The following TGFB3 variants were observed in gnomAD, a reference collection of about 807,000 sequenced individuals.
TGFB3 encodes the protein transforming growth factor beta 3.
A neutral mutation model predicts 40.1 loss-of-function variants in TGFB3; 5 were observed. The observed-to-expected ratio is 0.12, with a 90% CI of 0.07 to 0.26. The LOEUF (loss-of-function observed/expected upper bound fraction) is 0.26. Among genes scored for constraint, TGFB3 ranks in the 10% least tolerant of loss-of-function variants. The pLI, the probability that TGFB3 is intolerant of heterozygous loss-of-function variation, is 1.00. For missense variants in TGFB3, 373 were observed against 530.1 expected, an observed-to-expected ratio of 0.70 and a Z score of 2.91; for synonymous variants, 184 against 205.6, an observed-to-expected ratio of 0.89 and a Z score of 0.90.
chr14:75,969,734 G>C (rs1393826506), intron 3 of TGFB3, among the ~76,000 whole-genome samples: 1 of 152,146 alleles, frequency 6.6e-6, no homozygotes, highest in Non-Finnish European at 1.5e-5. Flanking sequence ...GGGCAGAACA[G>C]AACCTGTTCT....
intron 3 of TGFB3, among the ~76,000 whole-genome samples, chr14:75,969,482 C>T (rs188280212): frequency 2.2e-4 from 33 of 152,330 alleles, no homozygotes; most frequent in Non-Finnish European, 1.3e-4. Context: ...TAACTTCTCT[C>T]GGCCTGTTTC....
chr14:75,980,741 G>A lies in TGFB3; in HGVS notation c.153C>T (p.Leu51=), dbSNP rs760506739. The change falls in exon 1 of 7, where the codon CTC becomes CTT. Residue 51 remains leucine (L), a synonymous_variant. Transcript: ENST00000238682. This position sits in a 1 kb window ranked among gnomAD's most constrained non-coding sequence, Gnocchi z 4.3. Reference sequence around the variant, plus strand: ...TTGGCTCAGGGGGGCTGGTGAGCCTGAGCTTGCTCAAGATCTGTCCCCTAA... The same window carrying A: ...TTGGCTCAGGGGGGCTGGTGAGCCTAAGCTTGCTCAAGATCTGTCCCCTAA... The part of the protein sequence containing the change: ...EAIRGQILSK[L]RLTSPPEPTV... The A allele has an allele frequency of 1.2e-6, 2 of 1,614,210 alleles. No homozygotes were observed. The highest frequency in any genetic ancestry group is 1.7e-6 in the Non-Finnish European group (2 of 1,180,044).
At chr14:75,975,628 T>C (rs1468418253) in intron 1 of TGFB3, among the ~76,000 whole-genome samples, 1 of 152,172 alleles carries the variant, frequency 6.6e-6, no homozygotes, top group East Asian at 1.9e-4. Context: ...ATGAGAAAAC[T>C]GAGCCTCAAA....
chr14:75,962,470 G>T (rs968516848), intron 5 of TGFB3, among the ~76,000 whole-genome samples: 1 of 151,972 alleles, frequency 6.6e-6, no homozygotes, highest in Non-Finnish European at 1.5e-5. Context: ...TTCCCAATTC[G>T]TTCTCCCCAG....
chr14:75,982,349 C>G (rs939466759), upstream of TGFB3, among the ~76,000 whole-genome samples: 1 of 152,282 alleles, frequency 6.6e-6, no homozygotes, highest in Middle Eastern at 3.4e-3. The surrounding 1 kb of genome is among the most constrained non-coding windows in gnomAD (Gnocchi z 4.0). Flanking sequence ...CCTGGTCCCC[C>G]GGTCCCGGGG....
rs375034484 is a variant in TGFB3, at chr14:75,963,450, C to T, written c.792G>A (p.Leu264=). ...DNEDDHGRGD[L]GRLKKQKDHH... ...GATCCTTCTGCTTCTTGAGGCGCCC[C>T]AGATCTCCACGGCCATGGTCATCCT... The change falls in exon 5 of 7, where the codon CTG becomes CTA. Residue 264 remains leucine (L), a synonymous_variant. Coordinates refer to ENST00000238682, the MANE Select transcript of TGFB3 (RefSeq NM_003239.5). 12 of 1,607,972 alleles carry T rather than the reference C, an allele frequency of 7.5e-6. No individual in the cohort carries two copies. In the African/African-American group the frequency reaches 1.1e-4, roughly 15 times the overall value.
intron 3 of TGFB3, among the ~76,000 whole-genome samples, chr14:75,969,150 G>A (rs1483944575): frequency 6.6e-6 from 1 of 152,188 alleles, no homozygotes; most frequent in Non-Finnish European, 1.5e-5. Context: ...CGAAAACAAT[G>A]TGCAGGCCAA....
At chr14:75,961,950 T>C (rs2035161876) in intron 5 of TGFB3, among the ~76,000 whole-genome samples, 1 of 152,168 alleles carries the variant, frequency 6.6e-6, no homozygotes, top group African/African-American at 2.4e-5. Flanking sequence ...AAGGGCAAGT[T>C]CTGGCAAAGA....
chr14:75,962,281 C>T (rs2035166766), intron 5 of TGFB3, among the ~76,000 whole-genome samples: 1 of 152,122 alleles, frequency 6.6e-6, no homozygotes, highest in Non-Finnish European at 1.5e-5. Context: ...TAACTGATAA[C>T]TGATTCGTTC....
upstream of TGFB3, chr14:75,982,842 C>T (rs2035453127): frequency 6.6e-6 from 1 of 152,420 alleles, no homozygotes; most frequent in African/African-American, 2.4e-5. The surrounding 1 kb of genome is among the most constrained non-coding windows in gnomAD (Gnocchi z 4.0). Context: ...GAAATGTCAT[C>T]CAGATGTTCA....
At chr14:75,982,260 T>C (rs2035444986), upstream of TGFB3, among the ~76,000 whole-genome samples, 1 of 152,066 alleles carries the variant, frequency 6.6e-6, no homozygotes, top group Admixed American at 6.5e-5. This position sits in a 1 kb window ranked among gnomAD's most constrained non-coding sequence, Gnocchi z 4.0. Flanking sequence ...ATGAGCCCCC[T>C]CCCTCCCTTT....
At chr14:75,969,575 C>G (rs1187357379) in intron 3 of TGFB3, among the ~76,000 whole-genome samples, 1 of 152,204 alleles carries the variant, frequency 6.6e-6, no homozygotes, top group African/African-American at 2.4e-5. Context: ...ATCCTTAAAA[C>G]AGCTCTGTGA....
At chr14:75,982,850 TCAGC>T (rs1594793740), upstream of TGFB3, 1 of 152,348 alleles carries the variant, frequency 6.6e-6, no homozygotes, top group Non-Finnish European at 1.5e-5. This position sits in a 1 kb window ranked among gnomAD's most constrained non-coding sequence, Gnocchi z 4.0. Flanking sequence ...ATCCAGATGT[TCAGC>T]CTCCCTCCCC....
chr14:75,965,932 C>T lies in TGFB3; in HGVS notation c.647-237G>A, dbSNP rs919656737. Reference sequence around the variant, plus strand: ...TTATGAATCACCAAATGGGGGCATACACTAGTGGCCATCATGAAACAGAAG... The same window carrying T: ...TTATGAATCACCAAATGGGGGCATATACTAGTGGCCATCATGAAACAGAAG... On this transcript the variant is annotated intron_variant, in intron 3 of 6. Transcript: ENST00000238682. 9.2e-6 allele frequency: 5 copies of T among 542,168 alleles called. No individual in the cohort carries two copies. The Admixed American group carries it at 1.2e-4, about 13-fold the overall frequency. 33.6% of individuals were successfully genotyped at this position (542,168 alleles called of 1,614,324 possible).
intron 3 of TGFB3, among the ~76,000 whole-genome samples, chr14:75,967,551 C>A (rs2035234355): frequency 6.6e-6 from 1 of 152,144 alleles, no homozygotes; most frequent in Non-Finnish European, 1.5e-5. Flanking sequence ...TTCCATGATT[C>A]TGTGAGTTAG....
intron 6 of TGFB3, 126 bp downstream of exon 6, chr14:75,960,797 A>G: frequency 7.6e-7 from 1 of 1,308,174 alleles, no homozygotes; most frequent in Middle Eastern, 2.5e-4. Context: ...AACCTTCACC[A>G]GAGGAATTTT....
rs2035401995 is a variant in TGFB3 at position 75,979,824 on chromosome 14, G to A, written c.352+718C>T. Among the ~76,000 whole-genome samples, 2 of 152,106 alleles carry A rather than the reference G, an allele frequency of 1.3e-5. No individual in the cohort carries two copies. Among genetic ancestry groups the A allele is most frequent in the Admixed American group, 1.3e-4 (2 of 15,270 alleles). On this transcript the variant is annotated intron_variant, in intron 1 of 6. Transcript: ENST00000238682. This position sits in a 1 kb window ranked among gnomAD's most constrained non-coding sequence, Gnocchi z 4.8. ...CCGCTCTCCCCGTGCCCACCGGCCT[G>A]GAGGGCGCCCATTTTGAGCACATGA...
At chr14:75,977,357 G>A (rs1342607726) in intron 1 of TGFB3, among the ~76,000 whole-genome samples, 1 of 152,146 alleles carries the variant, frequency 6.6e-6, no homozygotes, top group Non-Finnish European at 1.5e-5. Flanking sequence ...TGGGGTCAGA[G>A]AAACTCTCTA....
chr14:75,963,200 G>T, intron 5 of TGFB3, 116 bp downstream of exon 5: 1 of 1,160,724 alleles, frequency 8.6e-7, no homozygotes, highest in Non-Finnish European at 1.3e-6. Context: ...TCCTGGAGAT[G>T]TTTGTGAATA....
Sources: allele counts gnomAD v4.1 joint callset (sites outside exome capture counted in the v4.1 genomes callset), GRCh38; gene constraint gnomAD v4.1.1; non-coding constraint Gnocchi (gnomAD v3.1); transcripts MANE v1.5; gene names NCBI Gene and HGNC (gene_info 2026-07-23, HGNC 2026-07-21).